The following HSP90AA1 variants were observed in gnomAD, a reference collection of about 807,000 sequenced individuals.
HSP90AA1 encodes heat shock protein HSP 90-alpha.
A neutral mutation model predicts 73.3 loss-of-function variants in HSP90AA1; 18 were observed. That is an observed-to-expected ratio of 0.25 (90% CI 0.17 to 0.36). HSP90AA1 has a LOEUF of 0.36. Among genes scored for constraint, HSP90AA1 ranks in the 10% least tolerant of loss-of-function variants. The pLI, the probability that HSP90AA1 is intolerant of heterozygous loss-of-function variation, is 1.00. For missense variants in HSP90AA1, 704 were observed against 874.2 expected (o/e 0.81, Z 2.45); for synonymous variants, 477 against 296.9 (o/e 1.61, Z -6.24).
chr14:102,090,921 G>C (rs977276654), upstream of HSP90AA1, among the ~76,000 whole-genome samples: 2 of 152,226 alleles, frequency 1.3e-5, no homozygotes, highest in Non-Finnish European at 2.9e-5. Context: ...TCTGGATCCA[G>C]GTGGCCTGGA....
At chr14:102,139,446 G>A in exon 1 of HSP90AA1, 1 of 1,497,622 alleles carries the variant, frequency 6.7e-7, no homozygotes, top group South Asian at 1.3e-5. Context: ...GCTCCGAAGC[G>A]GTGGCCGTCG....
chr14:102,085,708 C>G (rs1156788593), intron 3 of HSP90AA1, 50 bp downstream of exon 3: 3 of 1,612,096 alleles, frequency 1.9e-6, no homozygotes, highest in Admixed American at 1.7e-5. Flanking sequence ...AGGGTTGCAG[C>G]ACCCCACCCT....
chr14:102,086,842 C>T, intron 1 of HSP90AA1, 144 bp downstream of exon 1: 1 of 327,694 alleles, frequency 3.1e-6, no homozygotes, highest in Non-Finnish European at 4.4e-6. Flanking sequence ...CCGAGGCCTC[C>T]GGAATAGAAA....
Position 102,134,808 on chromosome 14 carries a change from T to C in HSP90AA1, c.155+4442A>G, listed in dbSNP as rs145721947. ...GCAAAGGGAGAAAGAACAAAGCTTC[T>C]ACAGTGCGGAAGTGAACCCGAGCGG... On this transcript the variant is annotated intron_variant, in intron 1 of 11. Coordinates refer to the HSP90AA1 transcript ENST00000334701. Among the ~76,000 whole-genome samples, 393 of 152,262 alleles carry C rather than the reference T, an allele frequency of 2.6e-3. 4 individuals carry two copies. Among genetic ancestry groups the C allele is most frequent in the African/African-American group, 8.9e-3 (369 of 41,540 alleles).
At chr14:102,137,527 T>C (rs1003824359) in intron 1 of HSP90AA1, among the ~76,000 whole-genome samples, 4 of 151,594 alleles carry the variant, frequency 2.6e-5, no homozygotes, top group African/African-American at 9.7e-5. Flanking sequence ...GATTTCACCA[T>C]GTTGGCCAGG....
intron 1 of HSP90AA1, among the ~76,000 whole-genome samples, chr14:102,115,218 G>A (rs567818349): frequency 5.5e-4 from 84 of 152,120 alleles, no homozygotes; most frequent in African/African-American, 1.9e-3. Context: ...AGGATCCCTT[G>A]AACCCGGGAG....
chr14:102,118,318 G>T lies in HSP90AA1; in HGVS notation c.156-16233C>A, dbSNP rs141738200. On this transcript the variant is annotated intron_variant, in intron 1 of 11. Coordinates refer to the HSP90AA1 transcript ENST00000334701. ...AAAAACCACTTTTTAATGTGATCAC[G>T]ATTTATTTTATGGCTTTCAAATTTT... Among the ~76,000 whole-genome samples, 115 of 152,214 alleles carry T rather than the reference G, an allele frequency of 7.6e-4. 4 individuals are homozygous for T. In the East Asian group the frequency reaches 0.016, roughly 22 times the overall value.
In HSP90AA1 at chr14:102,085,001, T is replaced by C. The variant is rs772966119; in HGVS notation, c.664-3A>G. 1 of 1,613,622 alleles carries C rather than the reference T, an allele frequency of 6.2e-7. No individual in the cohort carries two copies. Among genetic ancestry groups the C allele is most frequent in the Non-Finnish European group, 8.5e-7 (1 of 1,179,806 alleles). ...TCTTTATCACGTTCCTTCTCCACCT[T>C]CAAAAGAAAACACGAAATCACATCA... On this transcript the variant is annotated splice_region_variant and splice_polypyrimidine_tract_variant and intron_variant, in intron 4 of 10. Transcript: ENST00000216281.
At chr14:102,107,000 A>C (rs1415539363) in intron 1 of HSP90AA1, among the ~76,000 whole-genome samples, 2 of 152,036 alleles carry the variant, frequency 1.3e-5, no homozygotes, top group Non-Finnish European at 1.5e-5. Context: ...AAGGTCTTTA[A>C]AGTTATTCTT....
At chr14:102,085,564 C>CT (rs1266809625) in intron 3 of HSP90AA1, 133 bp from the exon 4 acceptor site, 3 of 1,199,450 alleles carry the variant, frequency 2.5e-6, no homozygotes, top group African/African-American at 3.0e-5. Context: ...ACAGCAGAAC[C>CT]TTTTGGGCAA....
At position 102,139,238 on chromosome 14, in the gene HSP90AA1, G is replaced by T. The variant is rs376375963; in HGVS notation, c.155+12C>A. 1.8e-5 allele frequency: 29 copies of T among 1,614,058 alleles called. No homozygotes were observed. The East Asian group carries it at 6.0e-4, about 33-fold the overall frequency. ...AAACATAGTGAAGCGTAAATCTTGA[G>T]TCCCTTGGTACCTTCTCAGAAACGG... On this transcript the variant is annotated intron_variant, in intron 1 of 11. Coordinates refer to the HSP90AA1 transcript ENST00000334701.
intron 2 of HSP90AA1, among the ~76,000 whole-genome samples, chr14:102,101,047 G>A (rs2049486622): frequency 6.6e-6 from 1 of 152,108 alleles, no homozygotes; most frequent in African/African-American, 2.4e-5. Flanking sequence ...GCCGGCTGGG[G>A]GCTGTGGCTC....
At position 102,084,375 on chromosome 14, in the gene HSP90AA1, A is replaced by C. The variant is rs528784252; in HGVS notation, c.1147+24T>G. ...AGTACTTCTTTAATCAGTGACAGTG[A>C]TTATTTTTCCTATCTATACTTACTC... On this transcript the variant is annotated intron_variant, in intron 6 of 10. Transcript: ENST00000216281. 6 of 1,604,474 alleles carry C rather than the reference A, an allele frequency of 3.7e-6. No homozygotes were observed. In the Admixed American group the frequency reaches 1.0e-4, roughly 27 times the overall value.
In HSP90AA1 at chr14:102,083,801, T is replaced by G; in HGVS notation, c.1330A>C (p.Asn444His). 2 of 1,613,044 alleles carry G rather than the reference T, an allele frequency of 1.2e-6. No individual in the cohort carries two copies. Residue 444 changes from asparagine to histidine, a missense_variant, in exon 7 of 11, where the codon AAC (asparagine) becomes CAC (histidine). By Grantham distance (68) the Asn-to-His change is moderately conservative. Coordinates refer to ENST00000216281, the MANE Select transcript of HSP90AA1 (RefSeq NM_005348.4). The part of the protein sequence containing the change: ...YKKFYEQFSK[N>H]IKLGIHEDSQ... The stretch of plus-strand genomic sequence containing the variant: ...TGGTTATTTACACCAACCTTTATGT[T>G]TTTAGAGAACTGCTCATAGAATTTC...
rs928167018 is a variant in HSP90AA1 at position 102,108,236 on chromosome 14, G to A, written c.156-6151C>T. Among the ~76,000 whole-genome samples the A allele has an allele frequency of 1.5e-4, 19 of 124,026 alleles. 1 individual carries two copies. The highest frequency in any genetic ancestry group is 2.3e-4 in the African/African-American group (8 of 34,172). 81.4% of individuals were successfully genotyped at this position (124,026 alleles called of 152,430 possible). A position where few individuals can be genotyped will look rare whatever the true frequency, so the allele number is the denominator to read the frequency against. On this transcript the variant is annotated intron_variant, in intron 1 of 11. Transcript: ENST00000334701. ...CATAATCATGACATTGCACTACAGCGTAAGCAACAGAGCGAGACCTTGTCT... is the reference window on the plus strand; with the variant it reads ...CATAATCATGACATTGCACTACAGCATAAGCAACAGAGCGAGACCTTGTCT...
At chr14:102,084,164 G>C (rs1253267550) in intron 6 of HSP90AA1, 181 bp from the exon 7 acceptor site, 9 of 696,776 alleles carry the variant, frequency 1.3e-5, no homozygotes, top group East Asian at 1.1e-4. Context: ...CTGCCTCCCG[G>C]GGGGGTTCAA....
At chr14:102,130,802 T>C (rs2049898997) in intron 1 of HSP90AA1, among the ~76,000 whole-genome samples, 1 of 152,150 alleles carries the variant, frequency 6.6e-6, no homozygotes, top group Admixed American at 6.6e-5. Context: ...CAATCACAGC[T>C]CACTGTAGCC....
At chr14:102,090,394 CT>C (rs2049338266), upstream of HSP90AA1, among the ~76,000 whole-genome samples, 1 of 152,188 alleles carries the variant, frequency 6.6e-6, no homozygotes, top group South Asian at 2.1e-4. Context: ...AGTTCTTCCA[CT>C]CCTGCTTCAC....
At chr14:102,084,169 G>GT in intron 6 of HSP90AA1, 186 bp from the exon 7 acceptor site, 2 of 685,774 alleles carry the variant, frequency 2.9e-6, no homozygotes, top group Non-Finnish European at 2.5e-6. Context: ...TCCCGGGGGG[G>GT]TTCAAGCTGT....
Sources: gnomAD v4.1 joint callset for allele counts (sites outside exome capture counted in the v4.1 genomes callset) on GRCh38, gnomAD v4.1.1 for gene constraint, MANE v1.5 for transcripts, NCBI Gene and HGNC (gene_info 2026-07-23, HGNC 2026-07-21) for gene names.